THSD7A: variants seen among roughly 807,000 people sequenced by gnomAD.
THSD7A encodes the protein thrombospondin type 1 domain containing 7A.
Under a neutral mutation model 231.3 loss-of-function variants are expected in THSD7A, and 96 were observed. The observed-to-expected ratio is 0.41, with a 90% CI of 0.35 to 0.49. THSD7A has a LOEUF of 0.49. Ranked by LOEUF, THSD7A falls within the 20% of genes least tolerant of loss-of-function variation. THSD7A has a pLI of 0.05. For synonymous variants in THSD7A, 940 were observed against 743.3 expected, an observed-to-expected ratio of 1.26 and a Z score of -4.30; for missense variants, 2,290 against 2,070.2, an observed-to-expected ratio of 1.11 and a Z score of -2.06.
chr7:11,414,681 G>A (rs1783900368), intron 17 of THSD7A, among the ~76,000 whole-genome samples: 1 of 152,148 alleles, frequency 6.6e-6, no homozygotes, highest in South Asian at 2.1e-4. Flanking sequence ...TCTGAAAACA[G>A]TTGGTTTCTA....
At chr7:11,514,886 C>G (rs1457216647) in intron 6 of THSD7A, among the ~76,000 whole-genome samples, 1 of 152,114 alleles carries the variant, frequency 6.6e-6, no homozygotes, top group Non-Finnish European at 1.5e-5. Flanking sequence ...CTAAGAACCA[C>G]TAATATTTGT....
chr7:11,826,864 T>A (rs1785047066), intron 1 of THSD7A, among the ~76,000 whole-genome samples: 1 of 151,726 alleles, frequency 6.6e-6, no homozygotes, highest in Admixed American at 6.6e-5. Flanking sequence ...ATTAGTAACA[T>A]TAGTTATTCA....
At chr7:11,408,192 T>C (rs1358779430) in intron 19 of THSD7A, among the ~76,000 whole-genome samples, 3 of 152,176 alleles carry the variant, frequency 2.0e-5, no homozygotes, top group African/African-American at 7.2e-5. Context: ...TTAAAATCTC[T>C]ATGGTACAAA....
chr7:11,490,462 C>A (rs1383680580), intron 6 of THSD7A, among the ~76,000 whole-genome samples: 1 of 151,986 alleles, frequency 6.6e-6, no homozygotes, highest in African/African-American at 2.4e-5. Context: ...GTTAGACAGA[C>A]AAAAAGGGTA....
chr7:11,545,242 T>C (rs990996020), intron 4 of THSD7A, among the ~76,000 whole-genome samples: 5 of 152,158 alleles, frequency 3.3e-5, no homozygotes, highest in Non-Finnish European at 5.9e-5. Flanking sequence ...ATCTCCATTT[T>C]TTCCTTCAAT....
At chr7:11,458,545 G>A (rs1260890083) in intron 11 of THSD7A, among the ~76,000 whole-genome samples, 1 of 152,076 alleles carries the variant, frequency 6.6e-6, no homozygotes, top group Non-Finnish European at 1.5e-5. Flanking sequence ...TAAGATTGCT[G>A]AGGTACAGCA....
rs140862020 is a variant in THSD7A, at chr7:11,737,519, G to A, written c.190+94238C>T. Among the ~76,000 whole-genome samples, 622 of 152,088 alleles carry A rather than the reference G, an allele frequency of 4.1e-3. 2 individuals carry two copies. Among genetic ancestry groups the A allele is most frequent in the Non-Finnish European group, 6.9e-3 (467 of 67,964 alleles). ...ACTCACGCAGTTCCTGGAATCAGTA[G>A]ATATTTTACAGAAACTCTGTGCAAA... On this transcript the variant is annotated intron_variant, in intron 1 of 27. Coordinates refer to ENST00000423059, the MANE Select transcript of THSD7A (RefSeq NM_015204.3).
chr7:11,577,796 G>A (rs796802834), intron 4 of THSD7A, among the ~76,000 whole-genome samples: 1 of 151,906 alleles, frequency 6.6e-6, no homozygotes, highest in South Asian at 2.1e-4. Context: ...TGAAAGTGCT[G>A]TTTTAGAGTA....
At chr7:11,793,769 G>A (rs541491218) in intron 1 of THSD7A, among the ~76,000 whole-genome samples, 3 of 151,816 alleles carry the variant, frequency 2.0e-5, no homozygotes, top group Admixed American at 6.6e-5. Flanking sequence ...TTTACCAAAC[G>A]AAATAGAACA....
intron 9 of THSD7A, among the ~76,000 whole-genome samples, chr7:11,468,286 TTAA>T (rs1186932389): frequency 3.3e-5 from 5 of 151,942 alleles, no homozygotes; most frequent in Admixed American, 2.0e-4. Flanking sequence ...ATTGAATTAA[TTAA>T]TAACCAACAA....
At chr7:11,650,023 C>T (rs1337463659) in intron 1 of THSD7A, among the ~76,000 whole-genome samples, 2 of 151,984 alleles carry the variant, frequency 1.3e-5, no homozygotes, top group South Asian at 2.1e-4. Flanking sequence ...GCTGTATATT[C>T]GCTATTAAAA....
At chr7:11,608,578 C>G (rs1319288978) in intron 2 of THSD7A, among the ~76,000 whole-genome samples, 1 of 152,092 alleles carries the variant, frequency 6.6e-6, no homozygotes, top group African/African-American at 2.4e-5. Context: ...AGTGATTACT[C>G]TGTAAAAATT....
intron 8 of THSD7A, among the ~76,000 whole-genome samples, chr7:11,471,142 T>C (rs776274400): frequency 6.6e-6 from 1 of 151,940 alleles, no homozygotes; most frequent in Non-Finnish European, 1.5e-5. Flanking sequence ...AATAATATCA[T>C]TCATATAATT....
At chr7:11,398,952 C>G (rs1430834770) in intron 23 of THSD7A, among the ~76,000 whole-genome samples, 1 of 152,218 alleles carries the variant, frequency 6.6e-6, no homozygotes, top group Non-Finnish European at 1.5e-5. Context: ...AACTTCCTCA[C>G]ATCCCGTTGT....
intron 1 of THSD7A, among the ~76,000 whole-genome samples, chr7:11,714,859 T>A (rs1013752859): frequency 1.3e-5 from 2 of 151,364 alleles, no homozygotes; most frequent in Admixed American, 1.3e-4. Flanking sequence ...CAAACCACAA[T>A]AGATTGTTCA....
chr7:11,491,757 G>A (rs958980751), intron 6 of THSD7A, among the ~76,000 whole-genome samples: 10 of 152,060 alleles, frequency 6.6e-5, no homozygotes, highest in Admixed American at 5.3e-4. Context: ...ACAGAATTCC[G>A]TTTACTCTGG....
intron 6 of THSD7A, among the ~76,000 whole-genome samples, chr7:11,527,063 G>A (rs1788506031): frequency 1.3e-5 from 2 of 152,046 alleles, no homozygotes; most frequent in South Asian, 4.1e-4. Context: ...TGTTTCTAAG[G>A]TCAGAATTTT....
chr7:11,479,316 T>A (rs1414225696), intron 7 of THSD7A, among the ~76,000 whole-genome samples: 2 of 152,222 alleles, frequency 1.3e-5, no homozygotes, highest in African/African-American at 4.8e-5. Flanking sequence ...GGTTGGAGCA[T>A]TTATTTCATA....
intron 6 of THSD7A, among the ~76,000 whole-genome samples, chr7:11,540,393 C>T (rs1273872047): frequency 6.6e-6 from 1 of 152,196 alleles, no homozygotes; most frequent in African/African-American, 2.4e-5. Flanking sequence ...GTGACTGAGT[C>T]ACAGGAGGAA....
Sources: gnomAD v4.1 joint callset for allele counts (sites outside exome capture counted in the v4.1 genomes callset) on GRCh38, gnomAD v4.1.1 for gene constraint, MANE v1.5 for transcripts, NCBI Gene and HGNC (gene_info 2026-07-23, HGNC 2026-07-21) for gene names.